VPS37D: variants seen among roughly 807,000 people sequenced by gnomAD.
VPS37D encodes the protein vacuolar protein sorting-associated protein 37D.
Under a neutral mutation model 22.0 loss-of-function variants are expected in VPS37D, and 5 were observed. The observed-to-expected ratio is 0.23, with a 90% CI of 0.12 to 0.48. The LOEUF is 0.48. Ranked by LOEUF, VPS37D falls within the 20% of genes least tolerant of loss-of-function variation. The pLI, the probability that VPS37D is intolerant of heterozygous loss-of-function variation, is 0.99. For synonymous variants in VPS37D, 174 were observed against 159.3 expected (o/e 1.09, Z -0.69); for missense variants, 384 against 345.8 (o/e 1.11, Z -0.88).
At chr7:73,665,629 C>A (rs996973299), upstream of VPS37D, among the ~76,000 whole-genome samples, 3 of 152,210 alleles carry the variant, frequency 2.0e-5, no homozygotes, top group Admixed American at 6.5e-5. Context: ...TGGCACCATG[C>A]CTGCCCACCA....
chr7:73,670,873 G>A, intron 3 of VPS37D, 141 bp from the exon 4 acceptor site: 2 of 1,237,046 alleles, frequency 1.6e-6, no homozygotes, highest in Non-Finnish European at 2.2e-6. Flanking sequence ...TCGGAGGCAG[G>A]CCCAGGCTGG....
upstream of VPS37D, among the ~76,000 whole-genome samples, chr7:73,666,700 C>CT (rs1344928038): frequency 4.6e-5 from 7 of 152,124 alleles, no homozygotes; most frequent in African/African-American, 1.2e-4. Context: ...TGCCCGGCCT[C>CT]TGTGATGCTT....
In VPS37D at chr7:73,671,185, C is replaced by A. The variant is rs1340337919; in HGVS notation, c.565C>A (p.Pro189Thr). 7.5e-6 allele frequency: 12 copies of A among 1,599,324 alleles called. No homozygotes were observed. Among genetic ancestry groups the A allele is most frequent in the Non-Finnish European group, 1.0e-5 (12 of 1,174,832 alleles). Residue 189 changes from proline to threonine, a missense_variant, in exon 4 of 4, where the codon CCC (proline) becomes ACC (threonine). Coordinates refer to ENST00000324941, the MANE Select transcript of VPS37D (RefSeq NM_001077621.2). ...GCCGGCCCCCACCTCGGCTGCTGAT[C>A]CCCCCAAATCCTTCCCGGCTGCAGC... Reference protein sequence around the residue: ...AQPAPTSAADPPKSFPAAAVL... With the variant: ...AQPAPTSAADTPKSFPAAAVL...
chr7:73,669,751 G>C (rs1190530884), intron 2 of VPS37D, among the ~76,000 whole-genome samples, 161 bp downstream of exon 2: 1 of 151,588 alleles, frequency 6.6e-6, no homozygotes, highest in Admixed American at 6.6e-5. Flanking sequence ...AAGTGGGGAG[G>C]GTTGGGTGGG....
chr7:73,667,008 T>C (rs1182373276), upstream of VPS37D, among the ~76,000 whole-genome samples: 1 of 147,698 alleles, frequency 6.8e-6, no homozygotes, highest in East Asian at 2.0e-4. Flanking sequence ...AGTCTCGCTC[T>C]GTCACCCAGC....
rs782538496 is a variant in VPS37D, at chr7:73,669,500, C to A, written c.220C>A (p.Arg74Ser). 10 of 1,581,798 alleles carry A rather than the reference C, an allele frequency of 6.3e-6. No homozygotes were observed. The Admixed American group carries it at 7.2e-5, about 11-fold the overall frequency. Residue 74 changes from arginine (R) to serine (S), a missense_variant, in exon 2 of 4, where the codon CGC becomes AGC. By Grantham distance (110) the Arg-to-Ser change is moderately radical. Coordinates refer to ENST00000324941, the MANE Select transcript of VPS37D (RefSeq NM_001077621.2). Reference protein sequence around the residue: ...LAKENLALRPRLEMGRAALAI... With the variant: ...LAKENLALRPSLEMGRAALAI... ...CAAGGAGAACCTGGCCCTGCGGCCC[C>A]GCCTGGAGATGGGCCGGGCTGCCCT...
At chr7:73,669,385 C>T (rs782589628) in intron 1 of VPS37D, 34 bp from the exon 2 acceptor site, 31 of 1,521,442 alleles carry the variant, frequency 2.0e-5, no homozygotes, top group Admixed American at 6.0e-5. Context: ...GGCAGATCCC[C>T]TGAGCGGGCC....
intron 3 of VPS37D, 48 bp from the exon 4 acceptor site, chr7:73,670,966 A>G: frequency 1.3e-6 from 2 of 1,591,188 alleles, no homozygotes. Flanking sequence ...ACCAGTCCCC[A>G]GTCTGTGGTC....
At position 73,669,314 on chromosome 7, in the gene VPS37D, C is replaced by T. The variant is rs1797450723; in HGVS notation, c.139-105C>T. On this transcript the variant is annotated intron_variant, in intron 1 of 3. Transcript: ENST00000324941. ...CCCTGAAGGGGTGCCTGACAGGTGCCTTTGGCCTGGCCCTCAGGCACGGTC... is the reference window on the plus strand; with the variant it reads ...CCCTGAAGGGGTGCCTGACAGGTGCTTTTGGCCTGGCCCTCAGGCACGGTC... The T allele has an allele frequency of 1.1e-5, 15 of 1,404,414 alleles. No individual in the cohort carries two copies. The South Asian group carries it at 1.9e-4, about 18-fold the overall frequency. The allele number at this position is 1,404,414 out of a possible 1,614,324, so 87.0% of individuals were successfully genotyped here. A position where few individuals can be genotyped will look rare whatever the true frequency, so the allele number is the denominator to read the frequency against.
Position 73,671,308 on chromosome 7 carries a change from G to C in VPS37D, c.688G>C (p.Gly230Arg). 5 of 1,395,654 alleles carry C rather than the reference G, an allele frequency of 3.6e-6. No individual in the cohort carries two copies. The highest frequency in any genetic ancestry group is 3.7e-6 in the Non-Finnish European group (4 of 1,075,916). The allele number at this position is 1,395,654 out of a possible 1,614,324, so 86.5% of individuals were successfully genotyped here. Residue 230 changes from glycine to arginine, a missense_variant, in exon 4 of 4, where the codon GGG becomes CGG. Coordinates refer to ENST00000324941, the MANE Select transcript of VPS37D (RefSeq NM_001077621.2). ...RPVPPLKGSP[G>R]CPLGPAPLLS... Reference sequence around the variant, plus strand: ...AGTGCCCCCACTGAAGGGCTCCCCCGGGTGCCCCCTCGGCCCGGCCCCCCT... The same window carrying C: ...AGTGCCCCCACTGAAGGGCTCCCCCCGGTGCCCCCTCGGCCCGGCCCCCCT...
chr7:73,667,459 C>T (rs1226529360), upstream of VPS37D, among the ~76,000 whole-genome samples: 3 of 152,124 alleles, frequency 2.0e-5, no homozygotes, highest in South Asian at 2.1e-4. Flanking sequence ...ATCTCCAACC[C>T]CATTTTACAG....
rs1012873526 is a variant in VPS37D at position 73,671,624 on chromosome 7, C to T, written c.*248C>T. 15 of 208,252 alleles carry T rather than the reference C, an allele frequency of 7.2e-5. No individual in the cohort carries two copies. Among genetic ancestry groups the T allele is most frequent in the Admixed American group, 1.2e-4 (2 of 16,984 alleles). The allele number at this position is 208,252 out of a possible 1,614,324, so 12.9% of individuals were successfully genotyped here. On this transcript the variant is annotated 3_prime_UTR_variant, in exon 4 of 4. Transcript: ENST00000324941. ...CCCTGCCTTTTTTGTTTCCGTGCCCCGGGGCCTCTAGGGTGATGGACCAGC... is the reference window on the plus strand; with the variant it reads ...CCCTGCCTTTTTTGTTTCCGTGCCCTGGGGCCTCTAGGGTGATGGACCAGC...
In VPS37D at chr7:73,671,083, C is replaced by A; in HGVS notation, c.463C>A (p.Arg155Ser). 2 of 1,611,266 alleles carry A rather than the reference C, an allele frequency of 1.2e-6. No individual in the cohort carries two copies. The highest frequency in any genetic ancestry group is 1.7e-6 in the Non-Finnish European group (2 of 1,179,682). ...EAFLPAFQRG[R>S]ALAHLRRTQA... ...CTTCCTGCCTGCCTTCCAGCGTGGC[C>A]GCGCCCTGGCCCACCTGAGGCGGAC... The change falls in exon 4 of 4, where the codon CGC (arginine) becomes AGC (serine). Residue 155 changes from arginine to serine, a missense_variant. Transcript: ENST00000324941.
chr7:73,669,877 G>A, intron 2 of VPS37D, 143 bp from the exon 3 acceptor site: 6 of 1,407,386 alleles, frequency 4.3e-6, no homozygotes, highest in Non-Finnish European at 5.7e-6. Context: ...GATCCACAAA[G>A]CGGTCACATG....
At chr7:73,668,812 G>T (rs1554609130) in intron 1 of VPS37D, among the ~76,000 whole-genome samples, 1 of 152,008 alleles carries the variant, frequency 6.6e-6, no homozygotes, top group East Asian at 1.9e-4. Flanking sequence ...TAAGCCCGGA[G>T]CAGGGAGGAA....
In VPS37D at chr7:73,669,548, C is replaced by T. The variant is rs1797458381; in HGVS notation, c.268C>T (p.Arg90Cys). 5 of 1,590,678 alleles carry T rather than the reference C, an allele frequency of 3.1e-6. No individual in the cohort carries two copies. Among genetic ancestry groups the T allele is most frequent in the Non-Finnish European group, 4.3e-6 (5 of 1,168,788 alleles). Residue 90 changes from arginine (R) to cysteine (C), a missense_variant, in exon 2 of 4, where the codon CGT (arginine) becomes TGT (cysteine). Coordinates refer to ENST00000324941, the MANE Select transcript of VPS37D (RefSeq NM_001077621.2). ...CCTGGCCATCAAATACCAGGAGCTTCGTGAGGTGGCCGAGAACTGCGCGGA... is the reference window on the plus strand; with the variant it reads ...CCTGGCCATCAAATACCAGGAGCTTTGTGAGGTGGCCGAGAACTGCGCGGA... ...AALAIKYQELREVAENCADKL... is the reference protein window; with the variant it reads ...AALAIKYQELCEVAENCADKL...
At chr7:73,666,787 C>T (rs73138822), upstream of VPS37D, among the ~76,000 whole-genome samples, 34,471 of 151,882 alleles carry the variant, frequency 0.23, 4,805 homozygotes, top group South Asian at 0.33. Context: ...TATCACTATC[C>T]CTCAGCATTT....
At position 73,668,066 on chromosome 7, in the gene VPS37D, G is replaced by A. The variant is rs1797421982; in HGVS notation, c.108G>A (p.Lys36=). The A allele has an allele frequency of 8.7e-7, 1 of 1,152,698 alleles. No homozygotes were observed. 71.4% of individuals were successfully genotyped at this position (1,152,698 alleles called of 1,614,324 possible). The stretch of plus-strand genomic sequence containing the variant: ...GGGACCTGCTTCAGGATGAGCCCAA[G>A]CTGGACCGGATCGTGCGGCTCAGCA... ...QLRDLLQDEP[K]LDRIVRLSRK... The change falls in exon 1 of 4, where the codon AAG becomes AAA. Residue 36 remains lysine (K), a synonymous_variant. Transcript: ENST00000324941.
Position 73,671,151 on chromosome 7 carries a change from T to C in VPS37D, c.531T>C (p.Arg177=), listed in dbSNP as rs782698672. 6.0e-5 allele frequency: 96 copies of C among 1,606,366 alleles called. 7 individuals are homozygous for C. The South Asian group carries it at 1.0e-3, about 18-fold the overall frequency. ...KLQELLRRRE[R]SAQPAPTSAA... ...AGGAGCTGCTGCGGCGTCGGGAGCGTTCTGCCCAGCCGGCCCCCACCTCGG... is the reference window on the plus strand; with the variant it reads ...AGGAGCTGCTGCGGCGTCGGGAGCGCTCTGCCCAGCCGGCCCCCACCTCGG... Residue 177 remains arginine, a synonymous_variant, in exon 4 of 4, where the codon CGT becomes CGC. Transcript: ENST00000324941.
Sources: allele counts gnomAD v4.1 joint callset (sites outside exome capture counted in the v4.1 genomes callset), GRCh38; gene constraint gnomAD v4.1.1; transcripts MANE v1.5; gene names NCBI Gene and HGNC (gene_info 2026-07-23, HGNC 2026-07-21).